TARM1: variants seen among roughly 807,000 people sequenced by gnomAD.
TARM1 encodes T cell-interacting, activating receptor on myeloid cells 1, also known as T-cell-interacting, activating receptor on myeloid cells protein 1.
Under a neutral mutation model 30.4 loss-of-function variants are expected in TARM1, and 24 were observed. That is an observed-to-expected ratio of 0.79 (90% CI 0.57 to 1.11). TARM1 has a LOEUF of 1.11. TARM1 is among the 50% of genes least tolerant of loss of function. The pLI is 0.00. For synonymous variants in TARM1, 129 were observed against 138.9 expected (o/e 0.93, Z 0.50); for missense variants, 323 against 332.8 (o/e 0.97, Z 0.23).
At position 54,075,910 on chromosome 19, in the gene TARM1, C is replaced by T. The variant is rs755231427; in HGVS notation, c.43G>A (p.Val15Met). 6.8e-5 allele frequency: 105 copies of T among 1,551,300 alleles called. No homozygotes were observed. In the African/African-American group the frequency reaches 1.0e-3, roughly 15 times the overall value. Residue 15 changes from valine to methionine, a missense_variant, in exon 2 of 5, where the codon GTG becomes ATG. Transcript: ENST00000432826. ...TCTCCCCTTGTGTCTCCTTGGCCCACGCACAGTCCTGCAAGACAATCCTCC... is the reference window on the plus strand; with the variant it reads ...TCTCCCCTTGTGTCTCCTTGGCCCATGCACAGTCCTGCAAGACAATCCTCC... ...LLSLLCFRLC[V>M]GQGDTRGDGS...
intron 1 of TARM1, among the ~76,000 whole-genome samples, chr19:54,079,081 C>T (rs1234874610): frequency 8.0e-6 from 1 of 125,696 alleles, no homozygotes; most frequent in Admixed American, 8.6e-5. Context: ...ATGGTGAAAC[C>T]TTGTCTCTAC....
chr19:54,074,694 T>A, intron 3 of TARM1, 130 bp downstream of exon 3: 1 of 1,003,230 alleles, frequency 1.0e-6, no homozygotes, highest in East Asian at 2.6e-5. Context: ...TGCAATTTCG[T>A]TCCTGTCTCT....
At chr19:54,072,144 G>A (rs997834003) in intron 4 of TARM1, among the ~76,000 whole-genome samples, 22 of 152,112 alleles carry the variant, frequency 1.4e-4, no homozygotes, top group East Asian at 9.7e-4. Flanking sequence ...AGCCGAGATC[G>A]CGCCACTGCA....
chr19:54,070,406 A>G (rs1284748447), intron 4 of TARM1, among the ~76,000 whole-genome samples: 4 of 151,690 alleles, frequency 2.6e-5, no homozygotes. Context: ...GATTACAGGC[A>G]TGTGCCACCA....
In TARM1 at chr19:54,075,274, G is replaced by A. The variant is rs182232841; in HGVS notation, c.71-160C>T. ...GCAATCTCAGTTCACTGCAACCTCC[G>A]TCTCCTGGGTTAAAGCAATTCTCCT... On this transcript the variant is annotated intron_variant, in intron 2 of 4. Transcript: ENST00000432826. Among the ~76,000 whole-genome samples the A allele has an allele frequency of 4.6e-5, 7 of 151,842 alleles. 1 individual carries two copies. Among genetic ancestry groups the A allele is most frequent in the African/African-American group, 1.2e-4 (5 of 41,446 alleles).
intron 4 of TARM1, among the ~76,000 whole-genome samples, chr19:54,072,445 G>C (rs2071835341): frequency 6.6e-6 from 1 of 152,112 alleles, no homozygotes; most frequent in African/African-American, 2.4e-5. Flanking sequence ...AAAGACATGG[G>C]TAGACTTCGC....
intron 4 of TARM1, among the ~76,000 whole-genome samples, chr19:54,073,266 C>T (rs116267492): frequency 1.3e-5 from 2 of 151,076 alleles, no homozygotes; most frequent in South Asian, 4.2e-4. Context: ...AAAAATTAGC[C>T]GGATGGGTGG....
chr19:54,073,785 G>T, intron 4 of TARM1, 135 bp downstream of exon 4: 1 of 1,178,812 alleles, frequency 8.5e-7, no homozygotes, highest in Non-Finnish European at 1.2e-6. Context: ...GAGCCACCAC[G>T]CCAGGCCAGA....
chr19:54,075,259 T>C, intron 2 of TARM1, 145 bp from the exon 3 acceptor site: 1 of 691,324 alleles, frequency 1.4e-6, no homozygotes, highest in Non-Finnish European at 2.2e-6. Context: ...GCAATCTCAG[T>C]TCACTGCAAC....
At chr19:54,071,492 CACACACTGCTGTG>C (rs1293738730) in intron 4 of TARM1, among the ~76,000 whole-genome samples, 95 of 152,162 alleles carry the variant, frequency 6.2e-4, no homozygotes, top group Non-Finnish European at 1.2e-3. Context: ...ATCCTCGCAG[CACACACTGCTGTG>C]CAGCAGTGCA....
At chr19:54,075,199 T>TTAC in intron 2 of TARM1, 85 bp from the exon 3 acceptor site, 1 of 1,198,314 alleles carries the variant, frequency 8.3e-7, no homozygotes, top group Non-Finnish European at 1.1e-6. Flanking sequence ...ATTATTATTA[T>TTAC]TATTTTGAGA....
intron 4 of TARM1, among the ~76,000 whole-genome samples, chr19:54,072,600 T>C (rs985214566): frequency 2.0e-5 from 3 of 152,004 alleles, no homozygotes; most frequent in African/African-American, 7.2e-5. Context: ...AGCCTCAGCC[T>C]CCCAAAGTGC....
intron 2 of TARM1, among the ~76,000 whole-genome samples, 194 bp downstream of exon 2, chr19:54,075,689 A>T (rs587596902): frequency 6.6e-6 from 1 of 151,692 alleles, no homozygotes; most frequent in African/African-American, 2.4e-5. Flanking sequence ...GCTACTTGGG[A>T]GGCTGAGACA....
intron 1 of TARM1, among the ~76,000 whole-genome samples, chr19:54,080,144 C>G (rs1282389019): frequency 1.7e-4 from 12 of 69,906 alleles, no homozygotes; most frequent in African/African-American, 3.8e-4. Context: ...AGGAAGAAAG[C>G]AAGCAAGCAA....
chr19:54,076,878 A>C (rs111996688), intron 1 of TARM1, among the ~76,000 whole-genome samples: 197 of 152,004 alleles, frequency 1.3e-3, no homozygotes, highest in African/African-American at 4.6e-3. Context: ...GAGTCTCCCT[A>C]TGTTGCCCAG....
intron 2 of TARM1, 142 bp downstream of exon 2, chr19:54,075,741 C>T (rs1489628777): frequency 7.6e-5 from 69 of 908,256 alleles, no homozygotes; most frequent in East Asian, 8.0e-5. Flanking sequence ...TGCTGTAAGC[C>T]GAGATTGCAC....
In TARM1 at chr19:54,069,988, C is replaced by T. The variant is rs536846506; in HGVS notation, c.*15G>A. Reference sequence around the variant, plus strand: ...GTTGCAGCCTCAGTTTACCCAGCCCCGGTTCAAGATGGAGTCACTCTGGTT... The same window carrying T: ...GTTGCAGCCTCAGTTTACCCAGCCCTGGTTCAAGATGGAGTCACTCTGGTT... On this transcript the variant is annotated 3_prime_UTR_variant, in exon 5 of 5. Coordinates refer to ENST00000432826, the MANE Select transcript of TARM1 (RefSeq NM_001135686.3). 7.6e-5 allele frequency: 117 copies of T among 1,545,756 alleles called. No individual in the cohort carries two copies. In the African/African-American group the frequency reaches 1.1e-3, roughly 14 times the overall value.
At chr19:54,071,688 C>T (rs1374498613) in intron 4 of TARM1, among the ~76,000 whole-genome samples, 41 of 151,864 alleles carry the variant, frequency 2.7e-4, no homozygotes, top group Non-Finnish European at 5.9e-5. Context: ...GGTGTGGTGG[C>T]GGGTGCCTGT....
Position 54,074,007 on chromosome 19 carries a change from C to A in TARM1, c.571G>T (p.Ala191Ser), listed in dbSNP as rs1279545464. The A allele has an allele frequency of 1.3e-6, 2 of 1,551,672 alleles. No individual in the cohort carries two copies. The highest frequency in any genetic ancestry group is 2.0e-5 in the Admixed American group (1 of 50,984). Reference sequence around the variant, plus strand: ...TAGTACATGCAGCTGTAGTTCCCAGCATCGCCGGCTGTCACGTCCACCAGA... The same window carrying A: ...TAGTACATGCAGCTGTAGTTCCCAGAATCGCCGGCTGTCACGTCCACCAGA... ...FSLVDVTAGD[A>S]GNYSCMYYQT... is the part of the protein sequence containing the mutation. The change falls in exon 4 of 5, where the codon GCT (alanine) becomes TCT (serine). Residue 191 changes from alanine (A) to serine (S), a missense_variant. Transcript: ENST00000432826.
Sources: gnomAD v4.1 joint callset for allele counts (sites outside exome capture counted in the v4.1 genomes callset) on GRCh38, gnomAD v4.1.1 for gene constraint, MANE v1.5 for transcripts, NCBI Gene and HGNC (gene_info 2026-07-23, HGNC 2026-07-21) for gene names.